Variants in ZNF737 observed in about 807,000 individuals in gnomAD.
ZNF737 encodes zinc finger protein 102 (Y3).
A neutral mutation model predicts 11.7 loss-of-function variants in ZNF737; 13 were observed. The ratio of observed to expected loss-of-function variants is 1.11; its 90% CI spans 0.73 to 1.77. The LOEUF (loss-of-function observed/expected upper bound fraction) is 1.77, where lower values mean the gene tolerates loss of function less well. Among genes scored for constraint, ZNF737 ranks in the 40% most tolerant of loss-of-function variants. The pLI, the probability that ZNF737 is intolerant of heterozygous loss-of-function variation, is 0.00. For synonymous variants in ZNF737, 217 were observed against 216.2 expected (o/e 1.00, Z -0.03); for missense variants, 636 against 638.0 (o/e 1.00, Z 0.03).
chr19:20,532,702 C>A (rs529679063), downstream of ZNF737, among the ~76,000 whole-genome samples: 5 of 149,950 alleles, frequency 3.3e-5, no homozygotes, highest in Admixed American at 3.3e-4. Flanking sequence ...AGGTTCTGTT[C>A]GTCTATCTAG....
rs1284042511 is a variant in ZNF737, at chr19:20,540,534, G to T, written c.*4058C>A. On this transcript the variant is annotated 3_prime_UTR_variant, in exon 4 of 4. Transcript: ENST00000427401. ...CCAGCACCGTGGGAGGCTGAAGCAGGCAGATCATGAGGCCAGGAGTTTGGG... is the reference window on the plus strand; with the variant it reads ...CCAGCACCGTGGGAGGCTGAAGCAGTCAGATCATGAGGCCAGGAGTTTGGG... Among the ~76,000 whole-genome samples the T allele has an allele frequency of 6.6e-6, 1 of 152,158 alleles. No individual in the cohort carries two copies. The highest frequency in any genetic ancestry group is 1.5e-5 in the Non-Finnish European group (1 of 68,028).
intron 1 of ZNF737, among the ~76,000 whole-genome samples, chr19:20,557,134 G>A (rs1367153485): frequency 1.3e-5 from 2 of 152,098 alleles, no homozygotes; most frequent in Non-Finnish European, 2.9e-5. Flanking sequence ...TGGATCTGCA[G>A]GAATAGAAAA....
At chr19:20,551,429 C>CAAAAAAAAAAAAAAAAAAAAAAAAAA (rs59406979) in intron 3 of ZNF737, among the ~76,000 whole-genome samples, 1 of 102,360 alleles carries the variant, frequency 9.8e-6, no homozygotes, top group African/African-American at 3.9e-5. Context: ...AACCCCATCT[C>CAAAAAAAAAAAAAAAAAAAAAAAAAA]AAAAAAAAAA....
chr19:20,543,333 T>G lies in ZNF737; in HGVS notation c.*1259A>C. On this transcript the variant is annotated 3_prime_UTR_variant, in exon 4 of 4. Coordinates refer to ENST00000427401, the MANE Select transcript of ZNF737 (RefSeq NM_001159293.2). Reference sequence around the variant, plus strand: ...AGTACAAAATGTGTGCAATAAGATCTGTGATACTAGTAAATGTACTATGTA... The same window carrying G: ...AGTACAAAATGTGTGCAATAAGATCGGTGATACTAGTAAATGTACTATGTA... 1 of 986,290 alleles carries G rather than the reference T, an allele frequency of 1.0e-6. No homozygotes were observed. 61.1% of individuals were successfully genotyped at this position (986,290 alleles called of 1,614,324 possible). A position where few individuals can be genotyped will look rare whatever the true frequency, so the allele number is the denominator to read the frequency against.
In ZNF737 at chr19:20,540,884, A is replaced by T. The variant is rs1555754963; in HGVS notation, c.*3708T>A. On this transcript the variant is annotated 3_prime_UTR_variant, in exon 4 of 4. Transcript: ENST00000427401. ...AATAACTATTTTTCTGGCTTAAATT[A>T]TTTTTTATGCACCATTTATACATTC... 1.0e-6 allele frequency: 1 copy of T among 960,602 alleles called. No homozygotes were observed. The highest frequency in any genetic ancestry group is 6.2e-5 in the Admixed American group (1 of 16,228). 59.5% of individuals were successfully genotyped at this position (960,602 alleles called of 1,614,324 possible). A position where few individuals can be genotyped will look rare whatever the true frequency, so the allele number is the denominator to read the frequency against.
rs947080125 is a variant in ZNF737 at position 20,540,821 on chromosome 19, A to T, written c.*3771T>A. The T allele has an allele frequency of 2.8e-5, 26 of 919,332 alleles. No individual in the cohort carries two copies. The highest frequency in any genetic ancestry group is 1.2e-4 in the Admixed American group (2 of 16,170). 56.9% of individuals were successfully genotyped at this position (919,332 alleles called of 1,614,324 possible). A position where few individuals can be genotyped will look rare whatever the true frequency, so the allele number is the denominator to read the frequency against. On this transcript the variant is annotated 3_prime_UTR_variant, in exon 4 of 4. Transcript: ENST00000427401. ...CTACATAAACAAAGATATCAACTGG[A>T]TATAATAATTAACTACTTTTTAGTT...
downstream of ZNF737, chr19:20,535,940 G>C (rs572814368): frequency 2.8e-6 from 1 of 353,720 alleles, no homozygotes; most frequent in East Asian, 1.7e-4. Flanking sequence ...TTTTTGTCTG[G>C]TTAAGAGAGC....
In ZNF737 at chr19:20,545,521, G is replaced by A. The variant is rs143572218; in HGVS notation, c.682C>T (p.Arg228Trp). 1,601 of 1,613,464 alleles carry A rather than the reference G, an allele frequency of 9.9e-4. 9 individuals carry two copies. The African/African-American group carries it at 0.019, about 20-fold the overall frequency. Reference protein sequence around the residue: ...THKRIHTGEKRYKCEDCGKAF... With the variant: ...THKRIHTGEKWYKCEDCGKAF... The stretch of plus-strand genomic sequence containing the variant: ...TTGCCACAGTCTTCACATTTGTACC[G>A]TTTCTCTCCAGTATGAATTCTCTTA... The change falls in exon 4 of 4, where the codon CGG becomes TGG. Residue 228 changes from arginine to tryptophan, a missense_variant. By Grantham distance (101) the Arg-to-Trp change is moderately radical. Coordinates refer to ENST00000427401, the MANE Select transcript of ZNF737 (RefSeq NM_001159293.2).
At chr19:20,553,937 T>A (rs1249588639) in intron 1 of ZNF737, 102 bp from the exon 2 acceptor site, 1 of 1,375,924 alleles carries the variant, frequency 7.3e-7, no homozygotes, top group Non-Finnish European at 9.9e-7. Context: ...TGGTTCTGAC[T>A]TATAGGACTG....
chr19:20,558,079 T>A (rs916482982), intron 1 of ZNF737, among the ~76,000 whole-genome samples: 5 of 151,880 alleles, frequency 3.3e-5, no homozygotes, highest in Non-Finnish European at 2.9e-5. Flanking sequence ...CTTGACCAGA[T>A]GGTGAAACCC....
At position 20,553,756 on chromosome 19, in the gene ZNF737, A is replaced by C. The variant is rs1968783075; in HGVS notation, c.83T>G (p.Leu28Ter). Reference protein sequence around the residue: ...WHCLDTAQRNLYRNVMLENYR... With the variant: ...WHCLDTAQRN Reference sequence around the variant, plus strand: ...GTTCTCTAACATCACATTCCTATATAAATTCCGCTGTGCAGTGTCCAGGCA... The same window carrying C: ...GTTCTCTAACATCACATTCCTATATCAATTCCGCTGTGCAGTGTCCAGGCA... Residue 28 changes from leucine to a stop codon, truncating the protein, a stop_gained, in exon 2 of 4, where the codon TTA becomes TGA. Transcript: ENST00000427401. LOFTEE classifies it high-confidence loss of function. 1.2e-6 allele frequency: 2 copies of C among 1,613,920 alleles called. No individual in the cohort carries two copies. Among genetic ancestry groups the C allele is most frequent in the African/African-American group, 2.7e-5 (2 of 74,932 alleles).
downstream of ZNF737, among the ~76,000 whole-genome samples, chr19:20,536,374 T>C (rs1555753839): frequency 6.6e-6 from 1 of 152,198 alleles, no homozygotes; most frequent in Non-Finnish European, 1.5e-5. Context: ...CAACATCAAA[T>C]GCTAATTTTT....
Position 20,545,304 on chromosome 19 carries a change from A to C in ZNF737, c.899T>G (p.Leu300Arg), listed in dbSNP as rs1968403893. Residue 300 changes from leucine (L) to arginine (R), a missense_variant, in exon 4 of 4, where the codon CTT (leucine) becomes CGT (arginine). By Grantham distance (102) the Leu-to-Arg change is moderately radical. Coordinates refer to ENST00000427401, the MANE Select transcript of ZNF737 (RefSeq NM_001159293.2). Reference protein sequence around the residue: ...CGKAFKRSSILTAHKIIHSGE... With the variant: ...CGKAFKRSSIRTAHKIIHSGE... ...GCTATGAATTATCTTATGCGCAGTA[A>C]GGATAGAGGAGCGCTTAAAGGCCTT... The C allele has an allele frequency of 6.2e-7, 1 of 1,613,164 alleles. No individual in the cohort carries two copies. Among genetic ancestry groups the C allele is most frequent in the East Asian group, 2.2e-5 (1 of 44,764 alleles).
chr19:20,531,165 C>A (rs551277130), downstream of ZNF737, among the ~76,000 whole-genome samples: 108 of 142,820 alleles, frequency 7.6e-4, 5 homozygotes, highest in African/African-American at 2.7e-3. Context: ...TGCAGTGAGC[C>A]GAGATGGCAG....
intron 1 of ZNF737, among the ~76,000 whole-genome samples, chr19:20,554,951 C>T (rs1392867148): frequency 6.7e-6 from 1 of 149,800 alleles, no homozygotes; most frequent in African/African-American, 2.5e-5. Flanking sequence ...CAACCTCCGC[C>T]TCCTGTGTTC....
chr19:20,535,517 A>C (rs1370833298), downstream of ZNF737, among the ~76,000 whole-genome samples: 4 of 141,564 alleles, frequency 2.8e-5, no homozygotes, highest in Admixed American at 7.5e-5. Context: ...CAGAAAAAAA[A>C]CAAAATCCTC....
intron 3 of ZNF737, among the ~76,000 whole-genome samples, chr19:20,548,726 A>G (rs1555757552): frequency 6.7e-6 from 1 of 149,650 alleles, no homozygotes; most frequent in African/African-American, 2.5e-5. Context: ...ACAGCTGCAC[A>G]TCACTATGGC....
chr19:20,537,578 A>G (rs1968027831), downstream of ZNF737, among the ~76,000 whole-genome samples: 1 of 128,438 alleles, frequency 7.8e-6, no homozygotes, highest in Admixed American at 9.8e-5. Context: ...GTGCAATGGC[A>G]TGATCTCGGC....
In ZNF737 at chr19:20,542,203, TAA is replaced by T. The variant is rs1294408556; in HGVS notation, c.*2387_*2388del. The T allele has an allele frequency of 1.0e-6, 1 of 983,734 alleles. No individual in the cohort carries two copies. The highest frequency in any genetic ancestry group is 1.8e-5 in the African/African-American group (1 of 57,064). The allele number at this position is 983,734 out of a possible 1,614,324, so 60.9% of individuals were successfully genotyped here. On this transcript the variant is annotated 3_prime_UTR_variant, in exon 4 of 4. Coordinates refer to ENST00000427401, the MANE Select transcript of ZNF737 (RefSeq NM_001159293.2). ...TAGTCTTACCATGGTAAAAATAAAA[TAA>T]AATTAAGTTCACAAATAATCTAACA...
Sources: allele counts gnomAD v4.1 joint callset (sites outside exome capture counted in the v4.1 genomes callset), GRCh38; gene constraint gnomAD v4.1.1; transcripts MANE v1.5; gene names NCBI Gene and HGNC (gene_info 2026-07-23, HGNC 2026-07-21).